The following SAMD4A variants were observed in gnomAD, a reference collection of about 807,000 sequenced individuals.
SAMD4A encodes protein Smaug homolog 1.
In SAMD4A, 33 loss-of-function variants were observed where a neutral mutation model predicts 81.3. The observed-to-expected ratio is 0.41, with a 90% CI of 0.31 to 0.54. SAMD4A has a LOEUF of 0.54. Among genes scored for constraint, SAMD4A ranks in the 20% least tolerant of loss-of-function variants. The probability of loss-of-function intolerance (pLI) is 0.37; values close to 1 mark genes in which losing one functional copy is unlikely to be tolerated. For missense variants in SAMD4A, 854 were observed against 951.1 expected (o/e 0.90, Z 1.34); for synonymous variants, 389 against 382.1 (o/e 1.02, Z -0.21).
At chr14:54,784,144 G>C in intron 11 of SAMD4A, 1 of 564,114 alleles carries the variant, frequency 1.8e-6, no homozygotes, top group South Asian at 2.1e-5. Flanking sequence ...GAGGTAGGAG[G>C]GGGCCTGGGG....
chr14:54,645,771 C>T (rs1012839194), intron 2 of SAMD4A, among the ~76,000 whole-genome samples: 26 of 152,152 alleles, frequency 1.7e-4, no homozygotes, highest in African/African-American at 4.8e-4. Context: ...ATTATTCATG[C>T]GATCCAGAAT....
intron 2 of SAMD4A, among the ~76,000 whole-genome samples, chr14:54,639,811 C>CACACACACACACACACGT (rs1160853960): frequency 6.6e-6 from 1 of 151,450 alleles, no homozygotes; most frequent in African/African-American, 2.4e-5. Context: ...AACACACACA[C>CACACACACACACACACGT]ACACACACAC....
At chr14:54,588,927 A>G (rs1211170) in intron 2 of SAMD4A, among the ~76,000 whole-genome samples, 82,536 of 151,920 alleles carry the variant, frequency 0.54, 23,414 homozygotes, top group African/African-American at 0.72. Context: ...CTTCCCTTGG[A>G]TGGTATTGTT....
intron 2 of SAMD4A, among the ~76,000 whole-genome samples, chr14:54,683,948 G>A (rs1318632375): frequency 7.2e-5 from 11 of 152,166 alleles, no homozygotes; most frequent in Non-Finnish European, 1.5e-5. Flanking sequence ...CCATAGAAAA[G>A]AGTTTTCCAA....
intron 3 of SAMD4A, among the ~76,000 whole-genome samples, chr14:54,724,020 G>GGAAGAAGGAAGGAA (rs764011578): frequency 1.1e-4 from 16 of 144,834 alleles, no homozygotes; most frequent in East Asian, 2.1e-4. Flanking sequence ...AAGGAAGGAA[G>GGAAGAAGGAAGGAA]GAAGGAAGGA....
intron 2 of SAMD4A, among the ~76,000 whole-genome samples, chr14:54,655,454 G>A (rs770225207): frequency 2.0e-5 from 3 of 152,136 alleles, no homozygotes; most frequent in African/African-American, 2.4e-5. Flanking sequence ...TCCAGGAGCC[G>A]GGCGCAGTGG....
At chr14:54,714,510 CT>C (rs2037070415) in intron 3 of SAMD4A, among the ~76,000 whole-genome samples, 1 of 152,106 alleles carries the variant, frequency 6.6e-6, no homozygotes, top group Admixed American at 6.6e-5. Context: ...CTTGGTACAC[CT>C]ACAAGTCAGC....
intron 2 of SAMD4A, among the ~76,000 whole-genome samples, chr14:54,675,269 G>A (rs1460752321): frequency 6.7e-6 from 1 of 150,314 alleles, no homozygotes; most frequent in Non-Finnish European, 1.5e-5. Context: ...AGGAGGCTGA[G>A]GCAGGAGAAT....
At chr14:54,622,039 A>G (rs1040179439) in intron 2 of SAMD4A, among the ~76,000 whole-genome samples, 2 of 152,220 alleles carry the variant, frequency 1.3e-5, no homozygotes, top group African/African-American at 4.8e-5. Context: ...TTTTTCATGT[A>G]TAAAAATGTC....
chr14:54,634,254 C>G (rs2034975378), intron 2 of SAMD4A, among the ~76,000 whole-genome samples: 1 of 122,870 alleles, frequency 8.1e-6, no homozygotes, highest in African/African-American at 3.3e-5. Flanking sequence ...CCGCTGCACT[C>G]CAGCCCGGGC....
At chr14:54,600,656 A>G (rs966748931) in intron 2 of SAMD4A, among the ~76,000 whole-genome samples, 7 of 152,220 alleles carry the variant, frequency 4.6e-5, no homozygotes, top group African/African-American at 7.2e-5. Context: ...AGAGCTTGCT[A>G]TTGAAAAATA....
rs529537484 is a variant in SAMD4A at position 54,627,059 on chromosome 14, C to T, written c.196+58947C>T. Reference sequence around the variant, plus strand: ...TATAATCTTATTCTGTAATTCTAAGCAATTGCTATTTCCTTAAAAATTCGG... The same window carrying T: ...TATAATCTTATTCTGTAATTCTAAGTAATTGCTATTTCCTTAAAAATTCGG... On this transcript the variant is annotated intron_variant, in intron 2 of 12. Coordinates refer to ENST00000554335, the MANE Select transcript of SAMD4A (RefSeq NM_015589.6). Among the ~76,000 whole-genome samples, 8 of 152,304 alleles carry T rather than the reference C, an allele frequency of 5.3e-5. No individual in the cohort carries two copies. In the South Asian group the frequency reaches 1.4e-3, roughly 28 times the overall value.
chr14:54,774,473 G>C (rs2038784491), intron 9 of SAMD4A, among the ~76,000 whole-genome samples: 1 of 152,142 alleles, frequency 6.6e-6, no homozygotes, highest in Non-Finnish European at 1.5e-5. Context: ...AGAGGCCGAG[G>C]CAGGAGGATC....
Position 54,758,977 on chromosome 14 carries a change from G to T in SAMD4A, c.1177-1184G>T, listed in dbSNP as rs534571443. Among the ~76,000 whole-genome samples, 20 of 152,280 alleles carry T rather than the reference G, an allele frequency of 1.3e-4. 1 individual carries two copies. In the East Asian group the frequency reaches 3.7e-3, roughly 28 times the overall value. Reference sequence around the variant, plus strand: ...CCACCCCAGCCGCCATGCCAGGCAGGGCCCCAGGCTCCCAAGCCCCAGCCA... The same window carrying T: ...CCACCCCAGCCGCCATGCCAGGCAGTGCCCCAGGCTCCCAAGCCCCAGCCA... On this transcript the variant is annotated intron_variant, in intron 6 of 12. Transcript: ENST00000554335.
intron 2 of SAMD4A, among the ~76,000 whole-genome samples, chr14:54,666,519 T>C (rs1050868981): frequency 6.6e-6 from 1 of 151,116 alleles, no homozygotes; most frequent in Non-Finnish European, 1.5e-5. Flanking sequence ...CTGTGTTTGG[T>C]TGAATAAATC....
chr14:54,583,217 C>A (rs532564126), intron 2 of SAMD4A, among the ~76,000 whole-genome samples: 11 of 152,258 alleles, frequency 7.2e-5, no homozygotes, highest in African/African-American at 2.6e-4. Flanking sequence ...GCTTTATCTC[C>A]CTCACGTAGG....
intron 2 of SAMD4A, among the ~76,000 whole-genome samples, chr14:54,668,186 C>T (rs903205855): frequency 6.6e-6 from 1 of 152,186 alleles, no homozygotes; most frequent in Non-Finnish European, 1.5e-5. Context: ...TGGCCTAGTT[C>T]CTACATACAA....
At chr14:54,620,128 G>A (rs1488623515) in intron 2 of SAMD4A, among the ~76,000 whole-genome samples, 1 of 151,940 alleles carries the variant, frequency 6.6e-6, no homozygotes, top group African/African-American at 2.4e-5. Flanking sequence ...ATTTCATGAG[G>A]TTGGCATTAT....
At chr14:54,619,174 T>C (rs935857858) in intron 2 of SAMD4A, among the ~76,000 whole-genome samples, 6 of 152,234 alleles carry the variant, frequency 3.9e-5, no homozygotes, top group South Asian at 2.1e-4. Context: ...ATACAACTAA[T>C]AGGTAATTAT....
Sources: allele counts gnomAD v4.1 joint callset (sites outside exome capture counted in the v4.1 genomes callset), GRCh38; gene constraint gnomAD v4.1.1; transcripts MANE v1.5; gene names NCBI Gene and HGNC (gene_info 2026-07-23, HGNC 2026-07-21).